The following ZFAND4 variants were observed in gnomAD, a reference collection of about 807,000 sequenced individuals.
ZFAND4 encodes zinc finger AN1-type containing 4.
Under a neutral mutation model 64.4 loss-of-function variants are expected in ZFAND4, and 43 were observed. The observed-to-expected ratio is 0.67, with a 90% CI of 0.52 to 0.86. ZFAND4 has a LOEUF of 0.86. ZFAND4 is among the 40% of genes least tolerant of loss of function. The probability of loss-of-function intolerance (pLI) is 0.00; values close to 1 mark genes in which losing one functional copy is unlikely to be tolerated. For missense variants in ZFAND4, 929 were observed against 859.8 expected (o/e 1.08, Z -1.01); for synonymous variants, 296 against 305.7 (o/e 0.97, Z 0.33).
chr10:45,634,300 A>C (rs2046408332), intron 6 of ZFAND4, among the ~76,000 whole-genome samples: 1 of 152,104 alleles, frequency 6.6e-6, no homozygotes, highest in South Asian at 2.1e-4. Context: ...CGAGGCAGGC[A>C]GATCACGGGG....
chr10:45,617,813 T>A (rs1262371137), intron 9 of ZFAND4: 1 of 153,460 alleles, frequency 6.5e-6, no homozygotes, highest in African/African-American at 2.4e-5. Context: ...ATTAAATTTT[T>A]AATAGAATAT....
intron 9 of ZFAND4, chr10:45,617,732 C>T (rs1176361428): frequency 6.6e-6 from 1 of 151,166 alleles, no homozygotes; most frequent in Non-Finnish European, 1.5e-5. Context: ...TAAATAATTA[C>T]AGTAAGAAAA....
chr10:45,640,456 G>A (rs1261361630), intron 5 of ZFAND4: 3 of 1,195,518 alleles, frequency 2.5e-6, no homozygotes, highest in Non-Finnish European at 2.1e-6. Flanking sequence ...TTCATACACA[G>A]GTGTCATCAG....
At chr10:45,619,963 T>C (rs948027765) in intron 8 of ZFAND4, among the ~76,000 whole-genome samples, 4 of 152,138 alleles carry the variant, frequency 2.6e-5, no homozygotes, top group African/African-American at 9.7e-5. Context: ...AAAAAGATAT[T>C]TACTTGCACT....
chr10:45,632,127 G>A (rs1308696587), intron 6 of ZFAND4, among the ~76,000 whole-genome samples: 1 of 152,162 alleles, frequency 6.6e-6, no homozygotes, highest in Non-Finnish European at 1.5e-5. Context: ...GGCCAAGGTG[G>A]GTGGATCACA....
chr10:45,656,231 A>G lies in ZFAND4; in HGVS notation c.185-3172T>C, dbSNP rs1230962768. 6.7e-5 allele frequency among the ~76,000 whole-genome samples: 7 copies of G among 104,102 alleles called. No homozygotes were observed. In the Admixed American group the frequency reaches 6.8e-4, roughly 10 times the overall value. The allele number at this position is 104,102 out of a possible 152,430, so 68.3% of individuals were successfully genotyped here. ...TGACAGAGCAAGACTCCGTTTCTAA[A>G]AAGAAAAGAGAAGAGAAGAGAAGAG... On this transcript the variant is annotated intron_variant, in intron 2 of 9. Coordinates refer to ENST00000344646, the MANE Select transcript of ZFAND4 (RefSeq NM_174890.4).
chr10:45,620,641 C>G (rs975768731), intron 8 of ZFAND4: 1 of 152,174 alleles, frequency 6.6e-6, no homozygotes, highest in Admixed American at 6.5e-5. Flanking sequence ...GTACTAGGAA[C>G]CATCAATAAA....
At chr10:45,643,637 T>G (rs1450845059) in intron 5 of ZFAND4, among the ~76,000 whole-genome samples, 1 of 128,580 alleles carries the variant, frequency 7.8e-6, no homozygotes, top group Non-Finnish European at 1.5e-5. Context: ...GCCACTGCAC[T>G]CCAGCCTGGG....
At position 45,635,195 on chromosome 10, in the gene ZFAND4, C is replaced by CAAAAAAAAAAAAA. The variant is rs1173808756; in HGVS notation, c.717+4608_717+4620dup. Among the ~76,000 whole-genome samples, 30 of 27,590 alleles carry CAAAAAAAAAAAAA rather than the reference C, an allele frequency of 1.1e-3. 1 individual carries two copies. Among genetic ancestry groups the CAAAAAAAAAAAAA allele is most frequent in the East Asian group, 2.6e-3 (2 of 784 alleles). 18.1% of individuals were successfully genotyped at this position (27,590 alleles called of 152,430 possible). ...CACAGAATAGTCAAAGCCATCTAAG[C>CAAAAAAAAAAAAA]AAAAAAAAAAAAAAAAAACAAAAAA... On this transcript the variant is annotated intron_variant, in intron 6 of 9. Transcript: ENST00000344646.
At chr10:45,659,467 A>G (rs2048334241) in intron 2 of ZFAND4, among the ~76,000 whole-genome samples, 1 of 152,330 alleles carries the variant, frequency 6.6e-6, no homozygotes, top group South Asian at 2.1e-4. Flanking sequence ...TACAGCAAAC[A>G]TTAAACACAG....
At chr10:45,640,257 A>C (rs1301105274) in intron 5 of ZFAND4, 2 of 1,215,728 alleles carry the variant, frequency 1.6e-6, no homozygotes, top group African/African-American at 3.2e-5. Context: ...ATTCCCAAAG[A>C]GGCAAAATCC....
Position 45,616,433 on chromosome 10 carries a change from G to A in ZFAND4, c.*3C>T. On this transcript the variant is annotated 3_prime_UTR_variant, in exon 10 of 10. Coordinates refer to ENST00000344646, the MANE Select transcript of ZFAND4 (RefSeq NM_174890.4). ...GGCAGAACAGTAAGATGTAGAGGAAGAGTTAGATTTTTGGAAGCTTTGGTG... is the reference window on the plus strand; with the variant it reads ...GGCAGAACAGTAAGATGTAGAGGAAAAGTTAGATTTTTGGAAGCTTTGGTG... 1 of 1,614,104 alleles carries A rather than the reference G, an allele frequency of 6.2e-7. No individual in the cohort carries two copies. Among genetic ancestry groups the A allele is most frequent in the Non-Finnish European group, 8.5e-7 (1 of 1,179,996 alleles).
intron 1 of ZFAND4, among the ~76,000 whole-genome samples, chr10:45,664,315 C>T (rs1178215647): frequency 6.6e-6 from 1 of 150,828 alleles, no homozygotes; most frequent in African/African-American, 2.4e-5. Flanking sequence ...TGTCGCCAGG[C>T]TGGAGTGCAG....
chr10:45,634,916 G>C (rs1334139234), intron 6 of ZFAND4, among the ~76,000 whole-genome samples: 1 of 151,442 alleles, frequency 6.6e-6, no homozygotes, highest in East Asian at 1.9e-4. Context: ...TACAAATAAA[G>C]TAAAATAAAA....
intron 8 of ZFAND4, among the ~76,000 whole-genome samples, chr10:45,619,028 A>G (rs2045212732): frequency 6.6e-6 from 1 of 151,992 alleles, no homozygotes; most frequent in Admixed American, 6.6e-5. Flanking sequence ...GTTATTATAT[A>G]AGAAAGAATT....
intron 9 of ZFAND4, 33 bp from the exon 10 acceptor site, chr10:45,616,604 G>C (rs758115709): frequency 1.9e-6 from 3 of 1,611,978 alleles, no homozygotes; most frequent in Non-Finnish European, 2.5e-6. Context: ...GTGAATAGTT[G>C]TATTTCTATG....
chr10:45,639,175 T>C (rs904906225), intron 6 of ZFAND4, among the ~76,000 whole-genome samples: 3 of 151,876 alleles, frequency 2.0e-5, no homozygotes, highest in African/African-American at 7.3e-5. Flanking sequence ...AGAATATATA[T>C]AAAACTCCAA....
chr10:45,663,668 A>G lies in ZFAND4; in HGVS notation c.58T>C (p.Tyr20His), dbSNP rs143802814. ...FNDDNMGPFYYRLHFCDTMEL... is the reference protein window; with the variant it reads ...FNDDNMGPFYHRLHFCDTMEL... ...ATGGTATCACAGAAATGAAGTCTGT[A>G]GTAAAATGGTCCCATGTTATCATCA... The change falls in exon 2 of 10, where the codon TAC (tyrosine) becomes CAC (histidine). Residue 20 changes from tyrosine (Y) to histidine (H), a missense_variant. Coordinates refer to ENST00000344646, the MANE Select transcript of ZFAND4 (RefSeq NM_174890.4). The G allele has an allele frequency of 1.1e-5, 17 of 1,610,040 alleles. No individual in the cohort carries two copies. The East Asian group carries it at 3.6e-4, about 34-fold the overall frequency.
At chr10:45,641,228 G>T (rs1174472642) in intron 5 of ZFAND4, among the ~76,000 whole-genome samples, 2 of 152,106 alleles carry the variant, frequency 1.3e-5, no homozygotes, top group Non-Finnish European at 2.9e-5. Flanking sequence ...AAATTAGAAT[G>T]GCAAGGATTT....
Sources: allele counts gnomAD v4.1 joint callset (sites outside exome capture counted in the v4.1 genomes callset), GRCh38; gene constraint gnomAD v4.1.1; transcripts MANE v1.5; gene names NCBI Gene and HGNC (gene_info 2026-07-23, HGNC 2026-07-21).